Variants in ADGRB3 observed in about 807,000 individuals in gnomAD.
ADGRB3 encodes the protein adhesion G protein-coupled receptor B3, also known as brain-specific angiogenesis inhibitor 3.
In ADGRB3, 37 loss-of-function variants were observed where a neutral mutation model predicts 193.4. The ratio of observed to expected loss-of-function variants is 0.19; its 90% CI spans 0.15 to 0.25. The LOEUF (loss-of-function observed/expected upper bound fraction) is 0.25. Among genes scored for constraint, ADGRB3 ranks in the 10% least tolerant of loss-of-function variants. ADGRB3 has a pLI of 1.00. For missense variants in ADGRB3, 1,637 were observed against 1,852.9 expected, an observed-to-expected ratio of 0.88 and a Z score of 2.14; for synonymous variants, 690 against 644.2, an observed-to-expected ratio of 1.07 and a Z score of -1.08.
intron 20 of ADGRB3, among the ~76,000 whole-genome samples, chr6:69,259,589 G>A (rs201417700): frequency 1.3e-5 from 2 of 151,414 alleles, no homozygotes; most frequent in African/African-American, 2.4e-5. Flanking sequence ...CCAGCTACTC[G>A]GGAGGCTGAG....
chr6:68,681,468 T>C (rs532433005), intron 3 of ADGRB3, among the ~76,000 whole-genome samples: 6 of 152,022 alleles, frequency 3.9e-5, no homozygotes, highest in Middle Eastern at 3.4e-3. Context: ...TTTGTAGAGA[T>C]GGGGTCTCGC....
intron 17 of ADGRB3, among the ~76,000 whole-genome samples, chr6:69,193,818 A>G (rs1056508665): frequency 7.9e-5 from 12 of 152,248 alleles, no homozygotes; most frequent in African/African-American, 2.6e-4. Flanking sequence ...TATAAGGCAC[A>G]GCACAAATTA....
intron 29 of ADGRB3, among the ~76,000 whole-genome samples, chr6:69,367,743 C>T (rs1286062041): frequency 1.3e-5 from 2 of 151,970 alleles, no homozygotes; most frequent in African/African-American, 4.8e-5. Context: ...TTGGAACCAA[C>T]CCAAATGTCC....
intron 3 of ADGRB3, among the ~76,000 whole-genome samples, chr6:68,878,878 G>A (rs1262161207): frequency 6.6e-6 from 1 of 152,152 alleles, no homozygotes; most frequent in African/African-American, 2.4e-5. Flanking sequence ...ATGGCAGCAG[G>A]CAAAGAGAGA....
chr6:68,822,428 T>C (rs1270717070), intron 3 of ADGRB3, among the ~76,000 whole-genome samples: 1 of 151,948 alleles, frequency 6.6e-6, no homozygotes, highest in Non-Finnish European at 1.5e-5. Context: ...GGCTACATCC[T>C]CCTTTTCTCA....
chr6:69,081,572 C>T (rs933166202), intron 17 of ADGRB3, among the ~76,000 whole-genome samples: 6 of 151,828 alleles, frequency 4.0e-5, no homozygotes, highest in African/African-American at 1.2e-4. Context: ...TCTGTTTATA[C>T]TATACATTAT....
chr6:69,111,328 A>C (rs1262857896), intron 17 of ADGRB3, among the ~76,000 whole-genome samples: 1 of 152,218 alleles, frequency 6.6e-6, no homozygotes, highest in Non-Finnish European at 1.5e-5. Flanking sequence ...AATCATGCCC[A>C]GGTAAATGGT....
intron 17 of ADGRB3, among the ~76,000 whole-genome samples, chr6:69,190,428 A>C (rs1765163103): frequency 6.6e-6 from 1 of 151,972 alleles, no homozygotes; most frequent in South Asian, 2.1e-4. Context: ...TATAGAATAG[A>C]GATATAAAGA....
chr6:68,895,892 A>G (rs1042970363), intron 3 of ADGRB3, among the ~76,000 whole-genome samples: 30 of 152,056 alleles, frequency 2.0e-4, no homozygotes, highest in Non-Finnish European at 4.0e-4. Flanking sequence ...TCAAAGTATT[A>G]ACTGTTAAAA....
At chr6:69,191,229 T>G (rs867361514) in intron 17 of ADGRB3, among the ~76,000 whole-genome samples, 141 of 148,038 alleles carry the variant, frequency 9.5e-4, no homozygotes, top group African/African-American at 3.3e-3. Context: ...AGTTCAATGG[T>G]TTTTTTTTCC....
chr6:68,988,994 A>G (rs2150272739), intron 10 of ADGRB3, among the ~76,000 whole-genome samples: 1 of 152,266 alleles, frequency 6.6e-6, no homozygotes, highest in South Asian at 2.1e-4. Flanking sequence ...AGGACCAGTG[A>G]ACTGCCTGAA....
intron 3 of ADGRB3, among the ~76,000 whole-genome samples, chr6:68,798,246 C>T (rs1767247986): frequency 6.6e-6 from 1 of 152,156 alleles, no homozygotes; most frequent in South Asian, 2.1e-4. Flanking sequence ...TTCAGTTTGG[C>T]AAATATTCAT....
Position 69,014,146 on chromosome 6 carries a change from C to A in ADGRB3, c.1998+40C>A, listed in dbSNP as rs772255555. The A allele has an allele frequency of 2.8e-6, 4 of 1,421,330 alleles. No homozygotes were observed. The African/African-American group carries it at 4.4e-5, about 16-fold the overall frequency. The allele number at this position is 1,421,330 out of a possible 1,614,324, so 88.0% of individuals were successfully genotyped here. A position where few individuals can be genotyped will look rare whatever the true frequency, so the allele number is the denominator to read the frequency against. On this transcript the variant is annotated intron_variant, in intron 12 of 31. Coordinates refer to ENST00000370598, the MANE Select transcript of ADGRB3 (RefSeq NM_001704.3). ...ATTTCAGAACTTGAAGTTGGCAAAA[C>A]AAAGTGTAAAAAATATGTGACTAAA...
intron 3 of ADGRB3, among the ~76,000 whole-genome samples, chr6:68,895,592 C>A (rs1346737181): frequency 6.6e-6 from 1 of 151,890 alleles, no homozygotes. Flanking sequence ...AATATAAATA[C>A]CTACAGTCTT....
chr6:68,809,041 A>G (rs1486503078), intron 3 of ADGRB3, among the ~76,000 whole-genome samples: 2 of 147,110 alleles, frequency 1.4e-5, no homozygotes, highest in Non-Finnish European at 3.0e-5. Context: ...TGAACATTCC[A>G]AACCCTGGCC....
intron 7 of ADGRB3, 48 bp from the exon 8 acceptor site, chr6:68,956,597 G>A: frequency 6.2e-7 from 1 of 1,602,924 alleles, no homozygotes; most frequent in Non-Finnish European, 8.5e-7. Flanking sequence ...AATTTTTAAA[G>A]GAGTGTGTGG....
At chr6:68,797,330 G>A (rs1021697760) in intron 3 of ADGRB3, among the ~76,000 whole-genome samples, 11 of 151,910 alleles carry the variant, frequency 7.2e-5, no homozygotes, top group African/African-American at 1.7e-4. Context: ...AGGACAGTAA[G>A]AGAAAGCTTT....
chr6:69,263,385 A>G (rs1766970491), intron 20 of ADGRB3, among the ~76,000 whole-genome samples: 1 of 151,996 alleles, frequency 6.6e-6, no homozygotes, highest in African/African-American at 2.4e-5. Context: ...AAGAAGAGAT[A>G]TTTTCGCATG....
intron 17 of ADGRB3, among the ~76,000 whole-genome samples, chr6:69,213,573 T>A (rs1765711977): frequency 6.6e-6 from 1 of 152,206 alleles, no homozygotes; most frequent in Non-Finnish European, 1.5e-5. Context: ...TTTTCCATAT[T>A]TATCACAGGC....
Sources: gnomAD v4.1 joint callset for allele counts (sites outside exome capture counted in the v4.1 genomes callset) on GRCh38, gnomAD v4.1.1 for gene constraint, MANE v1.5 for transcripts, NCBI Gene and HGNC (gene_info 2026-07-23, HGNC 2026-07-21) for gene names.